Variants in RAPGEF2 observed in about 807,000 individuals in gnomAD.
The protein encoded by RAPGEF2 is PDZ domain containing guanine nucleotide exchange factor (GEF) 1.
RAPGEF2 carries 54 observed loss-of-function variants against 186.7 expected under a neutral mutation model. The ratio of observed to expected loss-of-function variants is 0.29; its 90% CI spans 0.23 to 0.36. The LOEUF (loss-of-function observed/expected upper bound fraction) is 0.36, where lower values mean the gene tolerates loss of function less well. Among genes scored for constraint, RAPGEF2 ranks in the 10% least tolerant of loss-of-function variants. The pLI, the probability that RAPGEF2 is intolerant of heterozygous loss-of-function variation, is 1.00. For synonymous variants in RAPGEF2, 712 were observed against 705.9 expected, an observed-to-expected ratio of 1.01 and a Z score of -0.14; for missense variants, 1,532 against 2,045.0, an observed-to-expected ratio of 0.75 and a Z score of 4.84.
At position 159,155,167 on chromosome 4, in the gene RAPGEF2, C is replaced by G. The variant is rs947813603; in HGVS notation, c.70-31475C>G. Among the ~76,000 whole-genome samples the G allele has an allele frequency of 2.6e-5, 4 of 152,218 alleles. No homozygotes were observed. The East Asian group carries it at 5.8e-4, about 22-fold the overall frequency. On this transcript the variant is annotated intron_variant, in intron 1 of 29. Coordinates refer to ENST00000691494, the MANE Select transcript of RAPGEF2 (RefSeq NM_001394067.2). The stretch of plus-strand genomic sequence containing the variant: ...TTTCCTGTGATTCTCAAATTAGGGA[C>G]AAGGAACAACCTTAAACTATAGTGA...
Position 159,132,660 on chromosome 4 carries a change from C to T in RAPGEF2, c.69+28429C>T, listed in dbSNP as rs113998548. 1.5e-3 allele frequency among the ~76,000 whole-genome samples: 226 copies of T among 152,212 alleles called. 1 individual carries two copies. The highest frequency in any genetic ancestry group is 5.0e-3 in the African/African-American group (206 of 41,538). On this transcript the variant is annotated intron_variant, in intron 1 of 29. Transcript: ENST00000691494. The stretch of plus-strand genomic sequence containing the variant: ...TTTCTTCCAAACCATTCTTTGTTGT[C>T]TATTTCTCACACTCCTTATTTTCTT...
Position 159,210,593 on chromosome 4 carries a change from A to G in RAPGEF2, c.281+10A>G, listed in dbSNP as rs1750422783. The stretch of plus-strand genomic sequence containing the variant: ...TTCTTCCAAGAAGCAGGTATTGTAT[A>G]GACATTCTGTAATAGATTATCCATG... On this transcript the variant is annotated intron_variant, in intron 4 of 29. Transcript: ENST00000691494. 1.3e-6 allele frequency: 2 copies of G among 1,499,714 alleles called. No homozygotes were observed. Among genetic ancestry groups the G allele is most frequent in the Non-Finnish European group, 1.8e-6 (2 of 1,114,786 alleles). The allele number at this position is 1,499,714 out of a possible 1,614,324, so 92.9% of individuals were successfully genotyped here.
chr4:159,137,492 C>T (rs555471624), intron 1 of RAPGEF2, among the ~76,000 whole-genome samples: 16 of 152,152 alleles, frequency 1.1e-4, no homozygotes, highest in Non-Finnish European at 2.4e-4. Context: ...CAGAGGCCTC[C>T]ATCTCCAAGT....
chr4:159,330,295 G>GTGTGTGTGTGTGTGTGTGTGTGTGTGTA, intron 12 of RAPGEF2, 39 bp from the exon 13 acceptor site: 1 of 924,000 alleles, frequency 1.1e-6, no homozygotes, highest in South Asian at 1.6e-5. Flanking sequence ...GTGTGTGTGT[G>GTGTGTGTGTGTGTGTGTGTGTGTGTGTA]TATATATATG....
At chr4:159,228,310 A>T (rs891108777) in intron 4 of RAPGEF2, 2 of 152,228 alleles carry the variant, frequency 1.3e-5, no homozygotes, top group African/African-American at 4.8e-5. Context: ...AGAAGGTGAC[A>T]GCACTGTTGG....
rs928441917 is a variant in RAPGEF2 at position 159,347,143 on chromosome 4, C to T, written c.3712+145C>T. The stretch of plus-strand genomic sequence containing the variant: ...TAGCTCCTAATAAAACATGAACACT[C>T]AGCAAGTTAAACCTGACTTTGCCAA... On this transcript the variant is annotated intron_variant, in intron 25 of 29. Coordinates refer to ENST00000691494, the MANE Select transcript of RAPGEF2 (RefSeq NM_001394067.2). 1.4e-5 allele frequency: 11 copies of T among 804,654 alleles called. No individual in the cohort carries two copies. In the African/African-American group the frequency reaches 1.7e-4, roughly 13 times the overall value. The allele number at this position is 804,654 out of a possible 1,614,324, so 49.8% of individuals were successfully genotyped here. A position where few individuals can be genotyped will look rare whatever the true frequency, so the allele number is the denominator to read the frequency against.
rs117124126 is a variant in RAPGEF2, at chr4:159,275,952, T to C, written c.544-28390T>C. Among the ~76,000 whole-genome samples the C allele has an allele frequency of 6.2e-3, 937 of 152,264 alleles. 6 individuals carry two copies. The highest frequency in any genetic ancestry group is 0.035 in the East Asian group (182 of 5,184). On this transcript the variant is annotated intron_variant, in intron 7 of 29. Transcript: ENST00000691494. Reference sequence around the variant, plus strand: ...TTTATTTTTCTCAGTAATTAAGAAATATTTGGAGTTAAATGGGAGTATTCT... The same window carrying C: ...TTTATTTTTCTCAGTAATTAAGAAACATTTGGAGTTAAATGGGAGTATTCT...
chr4:159,122,772 A>G (rs920807460), intron 1 of RAPGEF2, among the ~76,000 whole-genome samples: 1 of 152,186 alleles, frequency 6.6e-6, no homozygotes, highest in Non-Finnish European at 1.5e-5. Flanking sequence ...TTTTAGTGCA[A>G]TACTGTAAAC....
At chr4:159,174,300 A>C (rs954167207) in intron 1 of RAPGEF2, among the ~76,000 whole-genome samples, 7 of 152,196 alleles carry the variant, frequency 4.6e-5, no homozygotes, top group African/African-American at 1.4e-4. Context: ...TATATCATTT[A>C]ACCCTTGTGT....
At chr4:159,267,659 A>G (rs1757579114) in intron 7 of RAPGEF2, 2 of 724,460 alleles carry the variant, frequency 2.8e-6, no homozygotes, top group Admixed American at 9.8e-5. Context: ...GTGTGATTGC[A>G]GATGAAACAA....
chr4:159,203,142 G>T (rs1295298378), intron 3 of RAPGEF2, among the ~76,000 whole-genome samples: 2 of 152,114 alleles, frequency 1.3e-5, no homozygotes, highest in Non-Finnish European at 2.9e-5. Context: ...GGCACACACA[G>T]CTCTTTCCCA....
intron 4 of RAPGEF2, chr4:159,229,201 A>G (rs1490467034): frequency 6.6e-5 from 10 of 152,186 alleles, no homozygotes; most frequent in Non-Finnish European, 1.5e-5. Context: ...CCACCAGTAT[A>G]TCTGCTTGAC....
chr4:159,267,935 A>G (rs1757623318), intron 7 of RAPGEF2: 5 of 1,307,532 alleles, frequency 3.8e-6, no homozygotes, highest in East Asian at 3.0e-5. Flanking sequence ...TCAATGTTAT[A>G]AAAATGGAGA....
chr4:159,304,513 T>A, intron 8 of RAPGEF2, 40 bp downstream of exon 8: 2 of 1,552,370 alleles, frequency 1.3e-6, no homozygotes, highest in Non-Finnish European at 1.8e-6. Flanking sequence ...TCATTTTCAT[T>A]TATTCCAAGA....
In RAPGEF2 at chr4:159,176,946, A is replaced by G. The variant is rs192855850; in HGVS notation, c.70-9696A>G. Among the ~76,000 whole-genome samples, 331 of 152,342 alleles carry G rather than the reference A, an allele frequency of 2.2e-3. 2 individuals carry two copies. The highest frequency in any genetic ancestry group is 7.4e-3 in the African/African-American group (307 of 41,588). On this transcript the variant is annotated intron_variant, in intron 1 of 29. Transcript: ENST00000691494. Reference sequence around the variant, plus strand: ...GGAAAATACTTACAGTTTGTTGTCCAGCTCTGCCAGTCTTAAATATGTTCC... The same window carrying G: ...GGAAAATACTTACAGTTTGTTGTCCGGCTCTGCCAGTCTTAAATATGTTCC...
chr4:159,191,438 A>T lies in RAPGEF2; in HGVS notation c.141-1762A>T, dbSNP rs1002795037. ...TGGGGAAAGGGGTGAGAAAATAGAG[A>T]TAGAATATATAGACAACTCAGGCCG... On this transcript the variant is annotated intron_variant, in intron 2 of 29. Transcript: ENST00000691494. 2.0e-5 allele frequency among the ~76,000 whole-genome samples: 3 copies of T among 152,012 alleles called. No individual in the cohort carries two copies. In the South Asian group the frequency reaches 6.2e-4, roughly 32 times the overall value.
intron 1 of RAPGEF2, among the ~76,000 whole-genome samples, chr4:159,159,953 T>G (rs1252762601): frequency 6.6e-6 from 1 of 152,204 alleles, no homozygotes; most frequent in East Asian, 1.9e-4. Context: ...CTCCCTCCAA[T>G]CAAGCTTTTA....
chr4:159,319,062 A>G (rs1764936583), intron 9 of RAPGEF2, among the ~76,000 whole-genome samples: 1 of 152,134 alleles, frequency 6.6e-6, no homozygotes, highest in African/African-American at 2.4e-5. Context: ...GGATTTTCCT[A>G]GTATCCATCC....
rs1210172130 is a variant in RAPGEF2, at chr4:159,104,224, C to A, written c.62C>A (p.Thr21Asn). 1.0e-5 allele frequency: 11 copies of A among 1,103,734 alleles called. No homozygotes were observed. The highest frequency in any genetic ancestry group is 1.4e-5 in the South Asian group (1 of 69,444). 68.4% of individuals were successfully genotyped at this position (1,103,734 alleles called of 1,614,324 possible). The change falls in exon 1 of 30, where the codon ACC (threonine) becomes AAC (asparagine). Residue 21 changes from threonine to asparagine, a missense_variant. Thr to Asn is a moderately conservative substitution (Grantham distance 65, BLOSUM62 0). Around this residue, in one of 4 missense-constraint regions of RAPGEF2, gnomAD observed 810 missense variants for 1,210.5 expected, o/e 0.67. Transcript: ENST00000691494. ...QAVMKNPPER[T>N]PQDLEIVYSY... is the part of the protein sequence containing the mutation. ...GTGATGAAGAATCCCCCCGAAAGGA[C>A]CCCCCAGGTGAGAACGCGGCGGCCG...
Sources: allele counts gnomAD v4.1 joint callset (sites outside exome capture counted in the v4.1 genomes callset), GRCh38; gene constraint gnomAD v4.1.1; regional missense constraint gnomAD v4.1.1; transcripts MANE v1.5; gene names NCBI Gene and HGNC (gene_info 2026-07-23, HGNC 2026-07-21).